The following OVCH1 variants were observed in gnomAD, a reference collection of about 807,000 sequenced individuals.
OVCH1 encodes the protein ovochymase 1, also known as ovochymase-1.
In OVCH1, 139 loss-of-function variants were observed where a neutral mutation model predicts 138.4. That is an observed-to-expected ratio of 1.00 (90% CI 0.87 to 1.16). The LOEUF is 1.16. Ranked by LOEUF, OVCH1 falls within the 50% of genes most tolerant of loss-of-function variation. The pLI is 0.00. For missense variants in OVCH1, 1,367 were observed against 1,357.9 expected, an observed-to-expected ratio of 1.01 and a Z score of -0.11; for synonymous variants, 453 against 467.8, an observed-to-expected ratio of 0.97 and a Z score of 0.41.
chr12:29,408,732 G>C (rs1940914772), downstream of OVCH1, among the ~76,000 whole-genome samples: 1 of 145,892 alleles, frequency 6.9e-6, no homozygotes, highest in African/African-American at 2.5e-5. Flanking sequence ...GAGGATTTTT[G>C]CATCAATGTT....
At chr12:29,485,964 A>AAAATAAAAT (rs201626935) in intron 8 of OVCH1, among the ~76,000 whole-genome samples, 1 of 98,806 alleles carries the variant, frequency 1.0e-5, no homozygotes, top group South Asian at 3.6e-4. Flanking sequence ...AAAATAAAAT[A>AAAATAAAAT]AAATAAAATA....
chr12:29,488,569 A>G (rs1484455985), intron 6 of OVCH1, among the ~76,000 whole-genome samples: 1 of 148,696 alleles, frequency 6.7e-6, no homozygotes, highest in Admixed American at 6.8e-5. Flanking sequence ...CCGTGAGCCA[A>G]GATTGCGCCA....
chr12:29,487,849 C>T (rs1943156007), exon 7 of OVCH1: 8 of 1,612,388 alleles, frequency 5.0e-6, no homozygotes, highest in Non-Finnish European at 6.8e-6. Context: ...ATTCCACCAC[C>T]TCTTCTACAA....
intron 1 of OVCH1, among the ~76,000 whole-genome samples, 182 bp from the exon 2 acceptor site, chr12:29,496,856 G>A (rs868214221): frequency 8.5e-5 from 13 of 152,344 alleles, no homozygotes; most frequent in African/African-American, 2.9e-4. Flanking sequence ...TGGGTTGACC[G>A]GAATTTGCCT....
intron 7 of OVCH1, among the ~76,000 whole-genome samples, chr12:29,486,721 A>C (rs561235421): frequency 1.3e-5 from 2 of 152,358 alleles, no homozygotes; most frequent in South Asian, 4.1e-4. Context: ...GAAGCTTAGA[A>C]GATTATCCTA....
At position 29,464,759 on chromosome 12, in the gene OVCH1, C is replaced by T. The variant is rs1291384835; in HGVS notation, c.1930-57G>A. On this transcript the variant is annotated intron_variant, in intron 17 of 27. Transcript: ENST00000318184. The stretch of plus-strand genomic sequence containing the variant: ...GTAAGAAAGTCAAAGAATCCAGCAA[C>T]TTCCTTGTTGATGGTCCAAAATAAT... The T allele has an allele frequency of 2.7e-6, 4 of 1,472,052 alleles. No homozygotes were observed. The African/African-American group carries it at 5.6e-5, about 21-fold the overall frequency. 91.2% of individuals were successfully genotyped at this position (1,472,052 alleles called of 1,614,324 possible).
intron 27 of OVCH1, among the ~76,000 whole-genome samples, chr12:29,430,190 G>T (rs1383735477): frequency 1.3e-5 from 2 of 152,174 alleles, no homozygotes; most frequent in African/African-American, 2.4e-5. Context: ...CTCTAAATTT[G>T]CAAATGCCAT....
chr12:29,443,437 C>T (rs370527130), exon 25 of OVCH1: 57 of 1,610,838 alleles, frequency 3.5e-5, no homozygotes, highest in Non-Finnish European at 4.2e-5. Context: ...TTGGCTTCAT[C>T]GGGAAGTTAA....
chr12:29,477,008 C>G (rs1942759483), intron 12 of OVCH1, 94 bp downstream of exon 12: 1 of 1,354,630 alleles, frequency 7.4e-7, no homozygotes. Flanking sequence ...AGCTCCTAGT[C>G]ATAATGGCAA....
At position 29,454,952 on chromosome 12, in the gene OVCH1, T is replaced by G; in HGVS notation, c.2438-19A>C. 2 of 1,574,834 alleles carry G rather than the reference T, an allele frequency of 1.3e-6. No individual in the cohort carries two copies. The highest frequency in any genetic ancestry group is 8.7e-7 in the Non-Finnish European group (1 of 1,148,628). Reference sequence around the variant, plus strand: ...GCAGGACCTGTATTTGGGGAGAACATGTTAAAAATAAAGATGAAAGCCTGA... The same window carrying G: ...GCAGGACCTGTATTTGGGGAGAACAGGTTAAAAATAAAGATGAAAGCCTGA... On this transcript the variant is annotated intron_variant, in intron 20 of 27. Coordinates refer to ENST00000318184, the Ensembl canonical transcript of OVCH1.
Position 29,440,187 on chromosome 12 carries a change from A to AT in OVCH1, c.3158-754dup, listed in dbSNP as rs1255464316. ...CTGGATAGATGGGTAGAAGAGAAAT[A>AT]TTTTTTTACCTTTCCTATACCCCAG... On this transcript the variant is annotated intron_variant, in intron 25 of 27. Transcript: ENST00000318184. Among the ~76,000 whole-genome samples, 11 of 152,206 alleles carry AT rather than the reference A, an allele frequency of 7.2e-5. No individual in the cohort carries two copies. The East Asian group carries it at 1.4e-3, about 19-fold the overall frequency.
intron 3 of OVCH1, among the ~76,000 whole-genome samples, chr12:29,413,289 A>T (rs1419296657): frequency 1.3e-5 from 2 of 152,092 alleles, no homozygotes; most frequent in Non-Finnish European, 2.9e-5. Context: ...CGACAATAGG[A>T]ACATATGCCC....
chr12:29,443,002 A>C lies in OVCH1; in HGVS notation c.3157+359T>G, dbSNP rs142088663. 7.2e-5 allele frequency among the ~76,000 whole-genome samples: 11 copies of C among 152,174 alleles called. 1 individual carries two copies. In the East Asian group the frequency reaches 2.1e-3, roughly 29 times the overall value. ...GGCTTCTAACTCCTACCAATTGATA[A>C]ACTCATGTAATGCCTTTTGCTGTGA... On this transcript the variant is annotated intron_variant, in intron 25 of 27. Coordinates refer to ENST00000318184, the Ensembl canonical transcript of OVCH1.
At chr12:29,440,847 ACT>A in intron 25 of OVCH1, 103 bp from the exon 26 acceptor site, 1 of 440,270 alleles carries the variant, frequency 2.3e-6, no homozygotes, top group Non-Finnish European at 4.6e-6. Context: ...TTTTTTACCC[ACT>A]CTGAGAGGAC....
chr12:29,427,674 G>A, intron 27 of OVCH1: 1 of 1,546,610 alleles, frequency 6.5e-7, no homozygotes, highest in Non-Finnish European at 8.7e-7. Flanking sequence ...TTGTTGTTTG[G>A]AAACCACTCA....
intron 22 of OVCH1, among the ~76,000 whole-genome samples, chr12:29,450,359 A>T (rs1941749888): frequency 6.6e-6 from 1 of 152,238 alleles, no homozygotes; most frequent in Admixed American, 6.5e-5. Flanking sequence ...GGCAAAGGAT[A>T]TGAACAGACA....
chr12:29,449,627 G>T (rs191449090), intron 22 of OVCH1, among the ~76,000 whole-genome samples: 19 of 152,174 alleles, frequency 1.2e-4, no homozygotes, highest in Middle Eastern at 3.4e-3. Context: ...TATAGCAATT[G>T]TGAATGGGAG....
chr12:29,416,456 C>G (rs954326042), intron 3 of OVCH1, among the ~76,000 whole-genome samples: 1 of 152,016 alleles, frequency 6.6e-6, no homozygotes, highest in South Asian at 2.1e-4. Context: ...CCTCAAACTC[C>G]GCACAGTAAG....
intron 26 of OVCH1, among the ~76,000 whole-genome samples, chr12:29,437,868 C>A (rs556983689): frequency 1.3e-5 from 2 of 152,210 alleles, no homozygotes; most frequent in South Asian, 4.1e-4. Flanking sequence ...AGGCACAGGA[C>A]CTCTGGTTTA....
Sources: gnomAD v4.1 joint callset for allele counts (sites outside exome capture counted in the v4.1 genomes callset) on GRCh38, gnomAD v4.1.1 for gene constraint, MANE v1.5 for transcripts, NCBI Gene and HGNC (gene_info 2026-07-23, HGNC 2026-07-21) for gene names.